ELF1: variants seen among roughly 807,000 people sequenced by gnomAD.
The protein encoded by ELF1 is E74 like ETS transcription factor 1.
Under a neutral mutation model 59.9 loss-of-function variants are expected in ELF1, and 24 were observed. The observed-to-expected ratio is 0.40, with a 90% CI of 0.29 to 0.56. ELF1 has a LOEUF of 0.56. Among genes scored for constraint, ELF1 ranks in the 20% least tolerant of loss-of-function variants. The pLI, the probability that ELF1 is intolerant of heterozygous loss-of-function variation, is 0.44. For missense variants in ELF1, 627 were observed against 742.2 expected (o/e 0.84, Z 1.80); for synonymous variants, 248 against 266.2 (o/e 0.93, Z 0.67).
chr13:41,045,262 T>G (rs941766436), intron 1 of ELF1, among the ~76,000 whole-genome samples: 3 of 152,064 alleles, frequency 2.0e-5, no homozygotes, highest in Non-Finnish European at 4.4e-5. Flanking sequence ...GATTCACTGA[T>G]TTTTTGAAGG....
chr13:41,013,261 C>A (rs1407651585), intron 1 of ELF1, among the ~76,000 whole-genome samples: 1 of 152,120 alleles, frequency 6.6e-6, no homozygotes, highest in African/African-American at 2.4e-5. Flanking sequence ...CCTTCACATC[C>A]CTCAATGTGA....
At chr13:40,993,429 G>GATA (rs1873968880) in intron 1 of ELF1, 2 of 648,898 alleles carry the variant, frequency 3.1e-6, no homozygotes, top group Non-Finnish European at 5.4e-6. Flanking sequence ...GTCCTCTAGC[G>GATA]GAGCCCGTTT....
chr13:40,940,865 T>C (rs912885688), intron 8 of ELF1, 56 bp downstream of exon 8: 2 of 1,505,950 alleles, frequency 1.3e-6, no homozygotes, highest in Admixed American at 2.2e-5. Flanking sequence ...TAACAAATAA[T>C]GTCTCTGGTC....
chr13:40,997,043 C>A (rs1000222635), intron 1 of ELF1, among the ~76,000 whole-genome samples: 3 of 152,144 alleles, frequency 2.0e-5, no homozygotes, highest in African/African-American at 7.2e-5. Flanking sequence ...GTTCCTGTGA[C>A]ATTTTAGGAT....
At chr13:41,044,296 C>A (rs1212262414) in intron 1 of ELF1, among the ~76,000 whole-genome samples, 1 of 152,152 alleles carries the variant, frequency 6.6e-6, no homozygotes, top group Non-Finnish European at 1.5e-5. Context: ...ATTTCTTTCT[C>A]CTGCCTAATT....
intron 5 of ELF1, among the ~76,000 whole-genome samples, chr13:40,947,138 AAG>A (rs1870556507): frequency 1.3e-5 from 2 of 152,242 alleles, no homozygotes; most frequent in South Asian, 4.1e-4. Context: ...AAAAAAAAAA[AAG>A]ATACACAAAT....
chr13:40,948,362 G>A (rs907716687), intron 5 of ELF1, among the ~76,000 whole-genome samples: 1 of 152,176 alleles, frequency 6.6e-6, no homozygotes, highest in Non-Finnish European at 1.5e-5. Context: ...ATCCCTTCAA[G>A]GGTCCCAGTT....
chr13:40,997,941 A>G (rs1163586880), intron 1 of ELF1, among the ~76,000 whole-genome samples: 1 of 152,120 alleles, frequency 6.6e-6, no homozygotes, highest in Non-Finnish European at 1.5e-5. Context: ...ACTTGAGGCC[A>G]GGAGTTTGAG....
intron 1 of ELF1, among the ~76,000 whole-genome samples, chr13:41,004,839 G>C (rs1874652121): frequency 6.6e-6 from 1 of 152,094 alleles, no homozygotes; most frequent in Non-Finnish European, 1.5e-5. Flanking sequence ...AGGTGCTGTA[G>C]CAAACATCTA....
At chr13:41,047,529 T>A (rs1470869651) in intron 1 of ELF1, among the ~76,000 whole-genome samples, 2 of 152,132 alleles carry the variant, frequency 1.3e-5, no homozygotes, top group Non-Finnish European at 2.9e-5. Flanking sequence ...TCTGTTGGAG[T>A]TTGCTGGAGG....
intron 5 of ELF1, among the ~76,000 whole-genome samples, chr13:40,947,895 AGC>A (rs1278082771): frequency 6.6e-6 from 1 of 152,240 alleles, no homozygotes; most frequent in African/African-American, 2.4e-5. Flanking sequence ...GAGGTTTTAA[AGC>A]AAAAGAACAA....
At chr13:40,947,277 C>T (rs1870564730) in intron 5 of ELF1, among the ~76,000 whole-genome samples, 1 of 152,200 alleles carries the variant, frequency 6.6e-6, no homozygotes, top group East Asian at 1.9e-4. Context: ...GGCAGGGTGG[C>T]TCATCCATGT....
chr13:41,011,891 C>T (rs1230938057), intron 1 of ELF1, among the ~76,000 whole-genome samples: 1 of 152,152 alleles, frequency 6.6e-6, no homozygotes, highest in Non-Finnish European at 1.5e-5. Flanking sequence ...GTGCCCCTGG[C>T]TCTGATGCAA....
At position 41,019,262 on chromosome 13, in the gene ELF1, T is replaced by C; in HGVS notation, c.-263A>G. The stretch of plus-strand genomic sequence containing the variant: ...TTCTTTCTCTATCGTCTTTTGAGCT[T>C]GAAAATAAAAAGCAATCCGACAAGT... On this transcript the variant is annotated 5_prime_UTR_variant, in exon 1 of 9. Transcript: ENST00000239882. The C allele has an allele frequency of 1.4e-5, 14 of 985,388 alleles. No individual in the cohort carries two copies. The highest frequency in any genetic ancestry group is 1.7e-5 in the Non-Finnish European group (14 of 829,924). The allele number at this position is 985,388 out of a possible 1,614,324, so 61.0% of individuals were successfully genotyped here.
intron 5 of ELF1, among the ~76,000 whole-genome samples, chr13:40,949,230 C>A (rs1416569871): frequency 6.6e-6 from 1 of 151,956 alleles, no homozygotes; most frequent in Admixed American, 6.6e-5. Flanking sequence ...AGGTTATCCA[C>A]CCACCCCCAC....
chr13:40,970,293 T>A (rs939684653), intron 2 of ELF1, among the ~76,000 whole-genome samples: 8 of 152,176 alleles, frequency 5.3e-5, no homozygotes, highest in African/African-American at 1.7e-4. Flanking sequence ...TTCAGCTAGG[T>A]TACTTTGAAC....
intron 5 of ELF1, among the ~76,000 whole-genome samples, chr13:40,947,196 C>A (rs1330283096): frequency 6.6e-6 from 1 of 151,506 alleles, no homozygotes; most frequent in East Asian, 1.9e-4. Flanking sequence ...ACAAACAACC[C>A]AAATCCCATT....
Position 40,958,942 on chromosome 13 carries a change from G to T in ELF1, c.147C>A (p.Ala49=). ...VPGADILNSY[A]GLACVEEPND... ...TGGGCTCTTCCACACAGGCTAGACC[G>T]GCATAACTATTGAGAATATCAGCAC... Residue 49 remains alanine, a synonymous_variant, in exon 3 of 9, where the codon GCC becomes GCA. Coordinates refer to ENST00000239882, the MANE Select transcript of ELF1 (RefSeq NM_172373.4). 6.2e-7 allele frequency: 1 copy of T among 1,613,454 alleles called. No individual in the cohort carries two copies. The highest frequency in any genetic ancestry group is 8.5e-7 in the Non-Finnish European group (1 of 1,179,798).
At chr13:41,043,497 G>C (rs1273454675) in intron 1 of ELF1, among the ~76,000 whole-genome samples, 1 of 152,100 alleles carries the variant, frequency 6.6e-6, no homozygotes, top group East Asian at 1.9e-4. Flanking sequence ...ATAAGGAAGG[G>C]ATCCAGTTTC....
Sources: allele counts gnomAD v4.1 joint callset (sites outside exome capture counted in the v4.1 genomes callset), GRCh38; gene constraint gnomAD v4.1.1; transcripts MANE v1.5; gene names NCBI Gene and HGNC (gene_info 2026-07-23, HGNC 2026-07-21).